The following CHRNE variants were observed in gnomAD, a reference collection of about 807,000 sequenced individuals.
CHRNE encodes cholinergic receptor nicotinic epsilon subunit.
In CHRNE, 58 loss-of-function variants were observed where a neutral mutation model predicts 56.5. The observed-to-expected ratio is 1.03, with a 90% CI of 0.83 to 1.28. CHRNE has a LOEUF of 1.28. Among genes scored for constraint, CHRNE ranks in the 50% most tolerant of loss-of-function variants. The pLI, the probability that CHRNE is intolerant of heterozygous loss-of-function variation, is 0.00. For missense variants in CHRNE, 793 were observed against 688.9 expected (o/e 1.15, Z -1.69); for synonymous variants, 385 against 297.9 (o/e 1.29, Z -3.01).
chr17:4,898,618 TC>T lies in CHRNE; in HGVS notation c.*117del. The T allele has an allele frequency of 7.2e-7, 1 of 1,381,588 alleles. No homozygotes were observed. Among genetic ancestry groups the T allele is most frequent in the Non-Finnish European group, 9.9e-7 (1 of 1,007,442 alleles). The allele number at this position is 1,381,588 out of a possible 1,614,324, so 85.6% of individuals were successfully genotyped here. ...CGGGCACACACCATTCTTGTGAAGT[TC>T]ACAAACTGCAGATTGATCAGCAGGG... is the stretch of plus-strand genomic sequence containing the variant. On this transcript the variant is annotated 3_prime_UTR_variant, in exon 12 of 12. Transcript: ENST00000649488.
intron 5 of CHRNE, 39 bp downstream of exon 5, chr17:4,901,893 C>G (rs201470386): frequency 6.2e-6 from 10 of 1,607,606 alleles, no homozygotes; most frequent in East Asian, 4.5e-5. Flanking sequence ...GGCCCCCCCC[C>G]AACAATAATC....
chr17:4,901,316 G>T, intron 6 of CHRNE, 126 bp from the exon 7 acceptor site: 2 of 1,078,692 alleles, frequency 1.9e-6, no homozygotes, highest in South Asian at 1.3e-5. Flanking sequence ...GGGCAATTAC[G>T]GACAGAAAAG....
Position 4,902,777 on chromosome 17 carries a change from A to G in CHRNE, c.47-14T>C. ...CCACACCCCTGCCTGCGATGGGGTC[A>G]AGAAGGAAGGGTCATTGGCAATGAA... is the stretch of plus-strand genomic sequence containing the variant. On this transcript the variant is annotated splice_polypyrimidine_tract_variant and intron_variant, in intron 1 of 11. Transcript: ENST00000649488. This position sits in a 1 kb window ranked among gnomAD's most constrained non-coding sequence, Gnocchi z 4.0. 15 of 1,614,004 alleles carry G rather than the reference A, an allele frequency of 9.3e-6. No individual in the cohort carries two copies. Among genetic ancestry groups the G allele is most frequent in the Non-Finnish European group, 1.3e-5 (15 of 1,179,998 alleles).
intron 8 of CHRNE, chr17:4,900,240 T>A (rs754496037): frequency 6.5e-7 from 1 of 1,547,468 alleles, no homozygotes; most frequent in South Asian, 1.2e-5. Flanking sequence ...AATGCAGATC[T>A]CAGCCCTGTG....
Position 4,902,058 on chromosome 17 carries a change from T to G in CHRNE, c.374A>C (p.Asp125Ala). ...NIDGQFGVAY[D>A]ANVLVYEGGS... ...GCCCTCGTAGACGAGCACGTTGGCG[T>G]CGTAGGCCACTCCGAACTGGCCATC... The change falls in exon 5 of 12, where the codon GAC becomes GCC. Residue 125 changes from aspartate to alanine, a missense_variant. By Grantham distance (126) the Asp-to-Ala change is moderately radical (BLOSUM62 -2). Transcript: ENST00000649488. This position sits in a 1 kb window ranked among gnomAD's most constrained non-coding sequence, Gnocchi z 4.0. 6.2e-7 allele frequency: 1 copy of G among 1,614,026 alleles called. No homozygotes were observed. The highest frequency in any genetic ancestry group is 8.5e-7 in the Non-Finnish European group (1 of 1,180,026).
rs1970019086 is a variant in CHRNE at position 4,902,339 on chromosome 17, G to A, written c.235-13C>T. On this transcript the variant is annotated splice_polypyrimidine_tract_variant and intron_variant, in intron 3 of 11. Coordinates refer to ENST00000649488, the MANE Select transcript of CHRNE (RefSeq NM_000080.4). This position sits in a 1 kb window ranked among gnomAD's most constrained non-coding sequence, Gnocchi z 4.0. ...AATCCTGCCAATCCTAAGGGGTGGG[G>A]GATGGAAGGCCGCGTGCCCTGCATC... 1.2e-6 allele frequency: 2 copies of A among 1,613,826 alleles called. No homozygotes were observed. The highest frequency in any genetic ancestry group is 1.7e-6 in the Non-Finnish European group (2 of 1,179,680).
chr17:4,905,975 T>TCTCTGC (rs1358373109), upstream of CHRNE, among the ~76,000 whole-genome samples: 1 of 152,226 alleles, frequency 6.6e-6, no homozygotes, highest in Non-Finnish European at 1.5e-5. Flanking sequence ...TCCTGATCTG[T>TCTCTGC]CTCTGCCGCT....
At position 4,898,404 on chromosome 17, in the gene CHRNE, T is replaced by C. The variant is rs941529490; in HGVS notation, c.*332A>G. 5.4e-5 allele frequency: 22 copies of C among 405,264 alleles called. No homozygotes were observed. Among genetic ancestry groups the C allele is most frequent in the Middle Eastern group, 7.5e-4 (1 of 1,326 alleles). The allele number at this position is 405,264 out of a possible 1,614,324, so 25.1% of individuals were successfully genotyped here. A position where few individuals can be genotyped will look rare whatever the true frequency, so the allele number is the denominator to read the frequency against. The stretch of plus-strand genomic sequence containing the variant: ...CTCCTGTTTGGCTATGAAATGAATA[T>C]AGATAGATAGCTCACAAGCTGGCAG... On this transcript the variant is annotated 3_prime_UTR_variant, in exon 12 of 12. Coordinates refer to ENST00000649488, the MANE Select transcript of CHRNE (RefSeq NM_000080.4).
upstream of CHRNE, among the ~76,000 whole-genome samples, chr17:4,906,704 T>A (rs1481251416): frequency 2.0e-5 from 3 of 151,738 alleles, no homozygotes; most frequent in Admixed American, 1.3e-4. Context: ...ATAAATAAAA[T>A]TTTAAAAAAC....
rs1255985976 is a variant in CHRNE at position 4,898,672 on chromosome 17, G to A, written c.*64C>T. 1.3e-6 allele frequency: 2 copies of A among 1,557,040 alleles called. No homozygotes were observed. Among genetic ancestry groups the A allele is most frequent in the African/African-American group, 1.3e-5 (1 of 74,094 alleles). Reference sequence around the variant, plus strand: ...AAGGGATCATAATGCCGTGGTGGCGGCAGCCTACTTTTTCAAAATCAATTT... The same window carrying A: ...AAGGGATCATAATGCCGTGGTGGCGACAGCCTACTTTTTCAAAATCAATTT... On this transcript the variant is annotated 3_prime_UTR_variant, in exon 12 of 12. Transcript: ENST00000649488.
intron 8 of CHRNE, chr17:4,900,274 T>C (rs1429077068): frequency 1.3e-6 from 2 of 1,545,722 alleles, no homozygotes; most frequent in Non-Finnish European, 1.7e-6. Flanking sequence ...GCGCGGCGAC[T>C]AGACGGCAGC....
At chr17:4,899,958 T>G in intron 8 of CHRNE, 3 of 1,551,172 alleles carry the variant, frequency 1.9e-6, no homozygotes, top group Non-Finnish European at 2.6e-6. Context: ...CCCCCGCTTC[T>G]GTCTTCCCTG....
chr17:4,898,939 G>T, intron 11 of CHRNE, 48 bp from the exon 12 acceptor site: 2 of 1,565,150 alleles, frequency 1.3e-6, no homozygotes, highest in East Asian at 2.3e-5. Context: ...GCAGGAGCCA[G>T]CGGCATGGGA....
At position 4,902,078 on chromosome 17, in the gene CHRNE, G is replaced by T. The variant is rs763520880; in HGVS notation, c.354C>A (p.Gly118=). The stretch of plus-strand genomic sequence containing the variant: ...TGGCGTCGTAGGCCACTCCGAACTG[G>T]CCATCAATACTGTGGGCTCGGGGAA... The part of the protein sequence containing the change: ...PEIVLENNID[G]QFGVAYDANV... Residue 118 remains glycine, a synonymous_variant, in exon 5 of 12, where the codon GGC becomes GGA. Transcript: ENST00000649488. The surrounding 1 kb of genome is among the most constrained non-coding windows in gnomAD (Gnocchi z 4.0). 3 of 1,614,040 alleles carry T rather than the reference G, an allele frequency of 1.9e-6. No individual in the cohort carries two copies. In the South Asian group the frequency reaches 3.3e-5, roughly 18 times the overall value.
rs1970040371 is a variant in CHRNE at position 4,903,087 on chromosome 17, A to G, written c.-24T>C. 6.2e-7 allele frequency: 1 copy of G among 1,613,640 alleles called. No homozygotes were observed. The highest frequency in any genetic ancestry group is 1.7e-5 in the Admixed American group (1 of 59,952). On this transcript the variant is annotated 5_prime_UTR_variant, in exon 1 of 12. Coordinates refer to ENST00000649488, the MANE Select transcript of CHRNE (RefSeq NM_000080.4). ...ATCCTGCTGCGTGGTTCTCAGGGTT[A>G]TTCTGAGCTCTGGCAGGCTTGGAGG...
rs1415632464 is a variant in CHRNE at position 4,899,081 on chromosome 17, C to T, written c.1246G>A (p.Ala416Thr). 1 of 1,610,842 alleles carries T rather than the reference C, an allele frequency of 6.2e-7. No individual in the cohort carries two copies. The highest frequency in any genetic ancestry group is 8.5e-7 in the Non-Finnish European group (1 of 1,179,420). The change falls in exon 11 of 12, where the codon GCC (alanine) becomes ACC (threonine). Residue 416 changes from alanine (A) to threonine (T), a missense_variant. Physicochemically the swap from Ala to Thr is moderately conservative, Grantham distance 58. Transcript: ENST00000649488. ...ACACAGCAGCGGACCTCGGGGGCGGCGGCGCCCAGGCTCTGGCAGAAGGCA... is the reference window on the plus strand; with the variant it reads ...ACACAGCAGCGGACCTCGGGGGCGGTGGCGCCCAGGCTCTGGCAGAAGGCA... ...TAAFCQSLGAAAPEVRCCVDA... is the reference protein window; with the variant it reads ...TAAFCQSLGATAPEVRCCVDA...
In CHRNE at chr17:4,898,689, A is replaced by C. The variant is rs751419232; in HGVS notation, c.*47T>G. On this transcript the variant is annotated 3_prime_UTR_variant, in exon 12 of 12. Transcript: ENST00000649488. The stretch of plus-strand genomic sequence containing the variant: ...TGGTGGCGGCAGCCTACTTTTTCAA[A>C]ATCAATTTCCTACTGGAGATGGGTG... 9 of 1,586,094 alleles carry C rather than the reference A, an allele frequency of 5.7e-6. No homozygotes were observed. In the East Asian group the frequency reaches 1.8e-4, roughly 32 times the overall value.
At position 4,902,470 on chromosome 17, in the gene CHRNE, T is replaced by A; in HGVS notation, c.214A>T (p.Thr72Ser). ...CTCACGATTCCAATCCAGACGCTAG[T>A]GGTGAGAGTCTCCTCTTTTTCATTC... ...SLNEKEETLTTSVWIGIDWQD... is the reference protein window; with the variant it reads ...SLNEKEETLTSSVWIGIDWQD... Residue 72 changes from threonine to serine, a missense_variant, in exon 3 of 12, where the codon ACT (threonine) becomes TCT (serine). Transcript: ENST00000649488. The surrounding 1 kb of genome is among the most constrained non-coding windows in gnomAD (Gnocchi z 4.0). 1 of 1,614,186 alleles carries A rather than the reference T, an allele frequency of 6.2e-7. No homozygotes were observed.
At chr17:4,904,298 A>T (rs1970060919), upstream of CHRNE, among the ~76,000 whole-genome samples, 1 of 151,952 alleles carries the variant, frequency 6.6e-6, no homozygotes, top group Admixed American at 6.6e-5. Context: ...CCTGGGCTAA[A>T]GCGATCCTCC....
Sources: gnomAD v4.1 joint callset for allele counts (sites outside exome capture counted in the v4.1 genomes callset) on GRCh38, gnomAD v4.1.1 for gene constraint, Gnocchi (gnomAD v3.1) non-coding constraint, MANE v1.5 for transcripts, NCBI Gene and HGNC (gene_info 2026-07-23, HGNC 2026-07-21) for gene names.